CD101: variants seen among roughly 807,000 people sequenced by gnomAD.
The protein encoded by CD101 is CD101 molecule.
In CD101, 76 loss-of-function variants were observed where a neutral mutation model predicts 98.2. The ratio of observed to expected loss-of-function variants is 0.77; its 90% CI spans 0.64 to 0.94. The LOEUF is 0.94. CD101 is among the 40% of genes least tolerant of loss of function. The pLI is 0.00. For synonymous variants in CD101, 471 were observed against 472.7 expected, an observed-to-expected ratio of 1.00 and a Z score of 0.05; for missense variants, 1,145 against 1,218.8, an observed-to-expected ratio of 0.94 and a Z score of 0.90.
In CD101 at chr1:117,004,601, T is replaced by A. The variant is rs1652424074; in HGVS notation, c.43+2741T>A. 6.6e-6 allele frequency among the ~76,000 whole-genome samples: 1 copy of A among 151,996 alleles called. No homozygotes were observed. Among genetic ancestry groups the A allele is most frequent in the Admixed American group, 6.6e-5 (1 of 15,250 alleles). ...TCAAAAGTAGCTAACCCTCTACCCATTAAAAGAGAGAGCAAGAGGGCAGTC... is the reference window on the plus strand; with the variant it reads ...TCAAAAGTAGCTAACCCTCTACCCAATAAAAGAGAGAGCAAGAGGGCAGTC... On this transcript the variant is annotated intron_variant, in intron 1 of 9. Coordinates refer to ENST00000682167, the MANE Select transcript of CD101 (RefSeq NM_001256106.3). The surrounding 1 kb of genome is among the most constrained non-coding windows in gnomAD (Gnocchi z 4.1).
Position 117,034,067 on chromosome 1 carries a change from G to C in CD101, c.3032G>C (p.Arg1011Thr), listed in dbSNP as rs775079689. The C allele has an allele frequency of 1.2e-6, 2 of 1,614,186 alleles. No individual in the cohort carries two copies. Among genetic ancestry groups the C allele is most frequent in the Non-Finnish European group, 1.7e-6 (2 of 1,180,024 alleles). Residue 1011 changes from arginine (R) to threonine (T), a missense_variant, in exon 9 of 10, where the codon AGG (arginine) becomes ACG (threonine). Arg to Thr is a moderately conservative substitution (Grantham distance 71). Transcript: ENST00000682167. ...LKEAGGVTTNRREDEEEDEGN is the reference protein window; with the variant it reads ...LKEAGGVTTNTREDEEEDEGN The stretch of plus-strand genomic sequence containing the variant: ...GAGGCTGGAGGTGTGACCACAAATA[G>C]GAGGGAAGACGAGGAGGAAGATGAA...
intron 7 of CD101, 52 bp from the exon 8 acceptor site, chr1:117,025,457 A>G: frequency 6.9e-7 from 1 of 1,458,820 alleles, no homozygotes; most frequent in African/African-American, 1.4e-5. Flanking sequence ...CAGAGGTGGT[A>G]TCCAAATCTG....
rs1409632636 is a variant in CD101, at chr1:117,025,857, A to G, written c.2777A>G (p.Gln926Arg). 1 of 1,613,944 alleles carries G rather than the reference A, an allele frequency of 6.2e-7. No individual in the cohort carries two copies. Among genetic ancestry groups the G allele is most frequent in the Admixed American group, 1.7e-5 (1 of 60,018 alleles). Residue 926 changes from glutamine to arginine, a missense_variant, in exon 8 of 10, where the codon CAA (glutamine) becomes CGA (arginine). Transcript: ENST00000682167. ...GGACACCCAAGCAAGTGGATTAATC[A>G]AGCATCCGATGAGTCACAGCGGATG... Reference protein sequence around the residue: ...LHGHPSKWINQASDESQRMVL... With the variant: ...LHGHPSKWINRASDESQRMVL...
At position 117,033,679 on chromosome 1, in the gene CD101, A is replaced by G. The variant is rs1470957527; in HGVS notation, c.2825-181A>G. 6.6e-6 allele frequency among the ~76,000 whole-genome samples: 1 copy of G among 152,184 alleles called. No individual in the cohort carries two copies. Among genetic ancestry groups the G allele is most frequent in the Non-Finnish European group, 1.5e-5 (1 of 68,034 alleles). ...CTGTTGCATTAGAAGAGCCTGTTCC[A>G]GGAGCTCTCTTCCCCCAGTGCTCTG... On this transcript the variant is annotated intron_variant, in intron 8 of 9. Transcript: ENST00000682167. This position sits in a 1 kb window ranked among gnomAD's most constrained non-coding sequence, Gnocchi z 4.8.
chr1:117,016,225 G>A (rs1203071181), intron 4 of CD101, among the ~76,000 whole-genome samples: 3 of 147,586 alleles, frequency 2.0e-5, no homozygotes, highest in East Asian at 2.0e-4. Context: ...TATATAAAAT[G>A]TATATGTATA....
chr1:117,017,542 T>C (rs1299410626), intron 5 of CD101, 69 bp downstream of exon 5: 12 of 1,495,844 alleles, frequency 8.0e-6, no homozygotes, highest in Non-Finnish European at 1.1e-5. Context: ...GGAACTGGAT[T>C]GCGTGTTATC....
intron 1 of CD101, among the ~76,000 whole-genome samples, chr1:117,008,898 G>A (rs1301666807): frequency 1.3e-5 from 2 of 152,102 alleles, no homozygotes; most frequent in African/African-American, 4.8e-5. Context: ...CCCTTTTACA[G>A]TACCCTGGGC....
chr1:117,007,563 G>A (rs968111784), intron 1 of CD101, among the ~76,000 whole-genome samples: 2 of 152,036 alleles, frequency 1.3e-5, no homozygotes, highest in Non-Finnish European at 2.9e-5. Flanking sequence ...GGCCAGGCTG[G>A]TCTTAAACTC....
chr1:117,012,877 T>C lies in CD101; in HGVS notation c.842-529T>C, dbSNP rs955152039. 6.6e-6 allele frequency among the ~76,000 whole-genome samples: 1 copy of C among 152,216 alleles called. No individual in the cohort carries two copies. ...TCCAATAGTGGATCATTAAAGTTTT[T>C]TCTTTATTAAAAACAGTATTATTGT... On this transcript the variant is annotated intron_variant, in intron 3 of 9. Transcript: ENST00000682167. This position sits in a 1 kb window ranked among gnomAD's most constrained non-coding sequence, Gnocchi z 4.0.
chr1:117,014,185 TTGTGTGTGTGTGTGTGTGTG>T (rs3220776), intron 4 of CD101, among the ~76,000 whole-genome samples: 22 of 141,266 alleles, frequency 1.6e-4, no homozygotes, highest in African/African-American at 2.3e-4. Flanking sequence ...CCCTCTGCCT[TTGTGTGTGTGTGTGTGTGTG>T]TGTGTGTGTG....
chr1:117,018,375 A>G lies in CD101; in HGVS notation c.1832A>G (p.Gln611Arg), dbSNP rs751430114. ...IEWGNFLSRF[Q>R]KKTKVSQSLF... ...TGGGGGAATTTCCTATCCCGGTTCC[A>G]AAAGAAGACGAAAGTGTCGCAGTCT... is the stretch of plus-strand genomic sequence containing the variant. Residue 611 changes from glutamine to arginine, a missense_variant, in exon 6 of 10, where the codon CAA (glutamine) becomes CGA (arginine). Gln to Arg is a conservative substitution (Grantham distance 43). Coordinates refer to ENST00000682167, the MANE Select transcript of CD101 (RefSeq NM_001256106.3). The surrounding 1 kb of genome is among the most constrained non-coding windows in gnomAD (Gnocchi z 4.3). 9.9e-6 allele frequency: 16 copies of G among 1,614,202 alleles called. No individual in the cohort carries two copies. Among genetic ancestry groups the G allele is most frequent in the Non-Finnish European group, 1.3e-5 (15 of 1,180,038 alleles).
rs1165016176 is a variant in CD101 at position 117,018,040 on chromosome 1, C to T, written c.1613-116C>T. 3 of 960,312 alleles carry T rather than the reference C, an allele frequency of 3.1e-6. No homozygotes were observed. Among genetic ancestry groups the T allele is most frequent in the Non-Finnish European group, 3.0e-6 (2 of 664,342 alleles). The allele number at this position is 960,312 out of a possible 1,614,324, so 59.5% of individuals were successfully genotyped here. A position where few individuals can be genotyped will look rare whatever the true frequency, so the allele number is the denominator to read the frequency against. Reference sequence around the variant, plus strand: ...AATTTCTACTCTATAAAATAGGAAACTCCAAATGTACAAATGCATGGTCCT... The same window carrying T: ...AATTTCTACTCTATAAAATAGGAAATTCCAAATGTACAAATGCATGGTCCT... On this transcript the variant is annotated intron_variant, in intron 5 of 9. Coordinates refer to ENST00000682167, the MANE Select transcript of CD101 (RefSeq NM_001256106.3). This position sits in a 1 kb window ranked among gnomAD's most constrained non-coding sequence, Gnocchi z 4.3.
intron 8 of CD101, chr1:117,026,654 G>A (rs964750235): frequency 6.6e-6 from 1 of 152,146 alleles, no homozygotes; most frequent in Non-Finnish European, 1.5e-5. Context: ...AAATAGATAA[G>A]AACTGTAAAA....
In CD101 at chr1:117,012,303, G is replaced by T. The variant is rs73004137; in HGVS notation, c.841+337G>T. On this transcript the variant is annotated intron_variant, in intron 3 of 9. Coordinates refer to ENST00000682167, the MANE Select transcript of CD101 (RefSeq NM_001256106.3). This position sits in a 1 kb window ranked among gnomAD's most constrained non-coding sequence, Gnocchi z 4.0. ...TTAGTCGTAACCACCACCCTATGAG[G>T]CAAGTAGTTGAGTCTCCATTTTAAA... Among the ~76,000 whole-genome samples, 340 of 152,238 alleles carry T rather than the reference G, an allele frequency of 2.2e-3. 3 individuals are homozygous for T. Among genetic ancestry groups the T allele is most frequent in the African/African-American group, 7.8e-3 (326 of 41,540 alleles).
At chr1:117,011,029 A>T (rs1203708911) in intron 2 of CD101, among the ~76,000 whole-genome samples, 1 of 152,226 alleles carries the variant, frequency 6.6e-6, no homozygotes, top group African/African-American at 2.4e-5. Context: ...TTTTAGGAAA[A>T]CAAGAATGGT....
At chr1:117,008,938 G>A (rs981335219) in intron 1 of CD101, among the ~76,000 whole-genome samples, 1 of 152,130 alleles carries the variant, frequency 6.6e-6, no homozygotes, top group Non-Finnish European at 1.5e-5. Context: ...CACTCTTGTG[G>A]CATGTCTTTG....
intron 7 of CD101, among the ~76,000 whole-genome samples, chr1:117,024,959 A>G (rs1425131755): frequency 6.6e-6 from 1 of 152,180 alleles, no homozygotes. Context: ...TTTCAATGGC[A>G]GGGTCCAGCA....
rs1226565279 is a variant in CD101, at chr1:117,034,001, C to T, written c.2966C>T (p.Ser989Phe). ...WKARKLSTLRSNTRKEKALWV... is the reference protein window; with the variant it reads ...WKARKLSTLRFNTRKEKALWV... ...GCCAGGAAGTTGTCAACACTGCGTT[C>T]CAACACACGGAAAGAAAAAGCTCTC... is the stretch of plus-strand genomic sequence containing the variant. The change falls in exon 9 of 10, where the codon TCC becomes TTC. Residue 989 changes from serine to phenylalanine, a missense_variant. Coordinates refer to ENST00000682167, the MANE Select transcript of CD101 (RefSeq NM_001256106.3). 7 of 1,614,126 alleles carry T rather than the reference C, an allele frequency of 4.3e-6. No individual in the cohort carries two copies. The highest frequency in any genetic ancestry group is 5.9e-6 in the Non-Finnish European group (7 of 1,180,038).
At chr1:117,017,815 G>A (rs1292856590) in intron 5 of CD101, among the ~76,000 whole-genome samples, 1 of 152,154 alleles carries the variant, frequency 6.6e-6, no homozygotes, top group African/African-American at 2.4e-5. Flanking sequence ...AAAGGGTTCT[G>A]ATACTGAACC....
Sources: gnomAD v4.1 joint callset for allele counts (sites outside exome capture counted in the v4.1 genomes callset) on GRCh38, gnomAD v4.1.1 for gene constraint, Gnocchi (gnomAD v3.1) non-coding constraint, MANE v1.5 for transcripts, NCBI Gene and HGNC (gene_info 2026-07-23, HGNC 2026-07-21) for gene names.